PLD5: variants seen among roughly 807,000 people sequenced by gnomAD.
PLD5 encodes the protein inactive phospholipase D5.
In PLD5, 36 loss-of-function variants were observed where a neutral mutation model predicts 61.1. The observed-to-expected ratio is 0.59, with a 90% CI of 0.45 to 0.78. PLD5 has a LOEUF of 0.78. Ranked by LOEUF, PLD5 falls within the 30% of genes least tolerant of loss-of-function variation. The pLI is 0.00. For synonymous variants in PLD5, 243 were observed against 242.8 expected (o/e 1.00, Z -0.01); for missense variants, 515 against 644.4 (o/e 0.80, Z 2.17).
chr1:242,433,078 G>A lies in PLD5; in HGVS notation c.190-84836C>T, dbSNP rs191881620. On this transcript the variant is annotated intron_variant, in intron 1 of 9. Transcript: ENST00000536534. ...TGAAAATACACAAAACCGTAGAGGG[G>A]AAAAAAAGCAAAAAGGAACTGTCTG... Among the ~76,000 whole-genome samples the A allele has an allele frequency of 4.1e-3, 628 of 151,988 alleles. 2 individuals are homozygous for A. The highest frequency in any genetic ancestry group is 5.9e-3 in the Non-Finnish European group (404 of 67,962).
chr1:242,485,691 C>T (rs1345437812), intron 1 of PLD5, among the ~76,000 whole-genome samples: 1 of 152,208 alleles, frequency 6.6e-6, no homozygotes, highest in Non-Finnish European at 1.5e-5. Context: ...CAATGACTTT[C>T]TGCACAGAAT....
chr1:242,522,896 A>AT (rs1401212119), intron 1 of PLD5, among the ~76,000 whole-genome samples: 1 of 152,194 alleles, frequency 6.6e-6, no homozygotes, highest in Admixed American at 6.5e-5. Flanking sequence ...AAAGCTTCAT[A>AT]TTAGAGCTTT....
At position 242,524,014 on chromosome 1, in the gene PLD5, C is replaced by T. The variant is rs1669362227; in HGVS notation, c.189+74G>A. The T allele has an allele frequency of 2.8e-6, 4 of 1,441,502 alleles. No homozygotes were observed. The East Asian group carries it at 1.1e-4, about 40-fold the overall frequency. 89.3% of individuals were successfully genotyped at this position (1,441,502 alleles called of 1,614,324 possible). A position where few individuals can be genotyped will look rare whatever the true frequency, so the allele number is the denominator to read the frequency against. On this transcript the variant is annotated intron_variant, in intron 1 of 9. Coordinates refer to ENST00000536534, the MANE Select transcript of PLD5 (RefSeq NM_001372062.1). ...GCCTGCCCCCCGCGCCCCGCGCGCG[C>T]TCATGCCACCACCACGGGGAGGGTG...
chr1:242,439,221 C>T (rs556752759), intron 1 of PLD5, among the ~76,000 whole-genome samples: 1 of 152,208 alleles, frequency 6.6e-6, no homozygotes, highest in South Asian at 2.1e-4. Flanking sequence ...ACGTAGAGTC[C>T]AAGTCAATTG....
intron 3 of PLD5, among the ~76,000 whole-genome samples, chr1:242,284,798 A>T (rs1232063114): frequency 6.6e-6 from 1 of 152,194 alleles, no homozygotes; most frequent in Non-Finnish European, 1.5e-5. Context: ...ACAGACAGGT[A>T]TGGCGAGAAC....
At chr1:242,120,547 A>T (rs1039279133) in intron 6 of PLD5, among the ~76,000 whole-genome samples, 1 of 152,172 alleles carries the variant, frequency 6.6e-6, no homozygotes, top group African/African-American at 2.4e-5. Context: ...AGAAGGTTCT[A>T]AAGAGGAATG....
At chr1:242,231,264 A>C (rs1671283254) in intron 4 of PLD5, among the ~76,000 whole-genome samples, 1 of 152,050 alleles carries the variant, frequency 6.6e-6, no homozygotes, top group Non-Finnish European at 1.5e-5. Flanking sequence ...TCACACAGCT[A>C]TCTGTATGGC....
intron 6 of PLD5, 88 bp downstream of exon 6, chr1:242,124,380 A>T (rs773004331): frequency 1.6e-4 from 214 of 1,324,692 alleles, no homozygotes; most frequent in Non-Finnish European, 2.1e-4. Flanking sequence ...ATTTTTGCCC[A>T]ATACAAGATC....
intron 5 of PLD5, among the ~76,000 whole-genome samples, chr1:242,186,367 G>A (rs1390109508): frequency 6.6e-6 from 1 of 152,070 alleles, no homozygotes; most frequent in African/African-American, 2.4e-5. Context: ...ACTTTTAGTA[G>A]AGATGGGGTT....
chr1:242,521,806 CA>C (rs1558167219), intron 1 of PLD5, among the ~76,000 whole-genome samples: 1 of 152,084 alleles, frequency 6.6e-6, no homozygotes, highest in Non-Finnish European at 1.5e-5. Flanking sequence ...ATGAAGTCAA[CA>C]TTAGATTTTC....
At chr1:242,375,717 G>A (rs1479555602) in intron 1 of PLD5, among the ~76,000 whole-genome samples, 11 of 152,100 alleles carry the variant, frequency 7.2e-5, no homozygotes, top group East Asian at 5.8e-4. Flanking sequence ...AACTATAAAC[G>A]GAAGGGCCAG....
intron 3 of PLD5, among the ~76,000 whole-genome samples, chr1:242,279,884 G>A (rs1478076135): frequency 6.6e-6 from 1 of 152,160 alleles, no homozygotes; most frequent in Non-Finnish European, 1.5e-5. Flanking sequence ...ATTCTGTGTA[G>A]AATTTTCTAT....
At chr1:242,229,981 G>C (rs1671198471) in intron 4 of PLD5, among the ~76,000 whole-genome samples, 1 of 151,996 alleles carries the variant, frequency 6.6e-6, no homozygotes. Flanking sequence ...CCCATCCCCA[G>C]GGGATGTGCA....
chr1:242,298,437 G>GCAGTTCT (rs1288158684), intron 2 of PLD5, among the ~76,000 whole-genome samples: 1 of 152,224 alleles, frequency 6.6e-6, no homozygotes, highest in Non-Finnish European at 1.5e-5. Context: ...GATGAAGAGA[G>GCAGTTCT]CAGGGCTCCC....
intron 1 of PLD5, among the ~76,000 whole-genome samples, chr1:242,440,222 C>T (rs536756497): frequency 6.6e-6 from 1 of 152,104 alleles, no homozygotes; most frequent in Admixed American, 6.5e-5. Context: ...TATTTCTATT[C>T]ATCCATTTTT....
intron 1 of PLD5, among the ~76,000 whole-genome samples, chr1:242,501,676 G>A (rs1001082692): frequency 7.2e-5 from 11 of 152,068 alleles, no homozygotes; most frequent in African/African-American, 2.2e-4. Context: ...AATCCAAAGA[G>A]AATGTTTTGT....
chr1:242,325,782 C>G (rs1197632907), intron 2 of PLD5, among the ~76,000 whole-genome samples: 1 of 152,138 alleles, frequency 6.6e-6, no homozygotes, highest in African/African-American at 2.4e-5. Context: ...ACCTTCCCTG[C>G]CATCCCAAAG....
intron 5 of PLD5, among the ~76,000 whole-genome samples, chr1:242,161,951 A>G (rs183703041): frequency 6.6e-5 from 10 of 152,296 alleles, no homozygotes; most frequent in Non-Finnish European, 1.3e-4. Flanking sequence ...TCGGAACAAC[A>G]GACACAGCTG....
intron 5 of PLD5, among the ~76,000 whole-genome samples, chr1:242,181,255 A>G (rs1196002251): frequency 1.3e-5 from 2 of 152,182 alleles, no homozygotes; most frequent in Non-Finnish European, 2.9e-5. Flanking sequence ...TGGTCTGCAG[A>G]TCACACTTGC....
Sources: gnomAD v4.1 joint callset for allele counts (sites outside exome capture counted in the v4.1 genomes callset) on GRCh38, gnomAD v4.1.1 for gene constraint, MANE v1.5 for transcripts, NCBI Gene and HGNC (gene_info 2026-07-23, HGNC 2026-07-21) for gene names.